The following STK33 variants were observed in gnomAD, a reference collection of about 807,000 sequenced individuals.
STK33 encodes serine/threonine kinase 33.
In STK33, 52 loss-of-function variants were observed where a neutral mutation model predicts 58.0. The ratio of observed to expected loss-of-function variants is 0.90; its 90% CI spans 0.72 to 1.13. The LOEUF is 1.13. STK33 is among the 50% of genes most tolerant of loss of function. STK33 has a pLI of 0.00. For missense variants in STK33, 630 were observed against 604.2 expected (o/e 1.04, Z -0.45); for synonymous variants, 215 against 200.1 (o/e 1.07, Z -0.63).
intron 1 of STK33, among the ~76,000 whole-genome samples, chr11:8,552,439 A>G (rs985777019): frequency 6.6e-6 from 1 of 152,050 alleles, no homozygotes; most frequent in South Asian, 2.1e-4. Context: ...TACTTTATAA[A>G]CTTTTTACAT....
intron 1 of STK33, among the ~76,000 whole-genome samples, chr11:8,536,455 C>CAAGGAACTTCACAATGG (rs1955009160): frequency 6.6e-6 from 1 of 152,086 alleles, no homozygotes; most frequent in South Asian, 2.1e-4. Context: ...GAAGATTGGT[C>CAAGGAACTTCACAATGG]AAGGAACTTC....
downstream of STK33, among the ~76,000 whole-genome samples, chr11:8,389,883 G>A (rs530585933): frequency 2.6e-5 from 4 of 152,176 alleles, no homozygotes; most frequent in African/African-American, 7.2e-5. Context: ...CTGGGTCTTC[G>A]TTTCCTCATC....
intron 12 of STK33, 100 bp downstream of exon 12, chr11:8,440,578 C>A: frequency 9.2e-7 from 1 of 1,081,286 alleles, no homozygotes; most frequent in Non-Finnish European, 1.3e-6. Context: ...TTTTAAATCA[C>A]TTTTTAAAAA....
the STK33 span, among the ~76,000 whole-genome samples, chr11:8,342,990 A>C: frequency 6.6e-6 from 1 of 152,244 alleles, no homozygotes; most frequent in African/African-American, 2.4e-5. Context: ...GCTCATCCCC[A>C]GGCAGGCATT....
intron 1 of STK33, among the ~76,000 whole-genome samples, chr11:8,531,196 T>C (rs1954516251): frequency 6.6e-6 from 1 of 151,988 alleles, no homozygotes; most frequent in African/African-American, 2.4e-5. Context: ...ATAAAATAAA[T>C]ACCCCCCAAC....
At chr11:8,478,830 C>T (rs189590650) in intron 2 of STK33, among the ~76,000 whole-genome samples, 1 of 151,590 alleles carries the variant, frequency 6.6e-6, no homozygotes, top group East Asian at 1.9e-4. Context: ...GTTTACAAAG[C>T]CTAAAGAAGG....
At chr11:8,387,714 C>G (rs899113129), downstream of STK33, among the ~76,000 whole-genome samples, 2 of 152,146 alleles carry the variant, frequency 1.3e-5, no homozygotes, top group African/African-American at 4.8e-5. Context: ...GTGTTTGGAC[C>G]AGGAAATATC....
chr11:8,354,973 T>C, the STK33 span, among the ~76,000 whole-genome samples: 1 of 152,234 alleles, frequency 6.6e-6, no homozygotes, highest in Non-Finnish European at 1.5e-5. Flanking sequence ...TCTGATCTCT[T>C]CTTGCAGAAA....
In STK33 at chr11:8,461,869, T is replaced by C; in HGVS notation, c.494A>G (p.Asn165Ser). The change falls in exon 8 of 16, where the codon AAC becomes AGC. Residue 165 changes from asparagine (N) to serine (S), a missense_variant. By Grantham distance (46) the Asn-to-Ser change is conservative. Coordinates refer to ENST00000687296, the MANE Select transcript of STK33 (RefSeq NM_001352389.2). ...SAVKLLEREV[N>S]ILKSVKHEHI... is the part of the protein sequence containing the mutation. ...TTCATGTTTTACACTTTTCAGAATG[T>C]TCACCTCTCGTTCAAGTAACTTCAC... The C allele has an allele frequency of 6.2e-7, 1 of 1,601,568 alleles. No individual in the cohort carries two copies. The highest frequency in any genetic ancestry group is 1.1e-5 in the South Asian group (1 of 88,928).
intron 14 of STK33, among the ~76,000 whole-genome samples, chr11:8,426,033 C>T (rs953233279): frequency 6.6e-6 from 1 of 152,132 alleles, no homozygotes; most frequent in East Asian, 1.9e-4. Flanking sequence ...TTAGTCAGCT[C>T]AATTAGACCC....
At chr11:8,512,783 A>T (rs1475149908) in intron 1 of STK33, among the ~76,000 whole-genome samples, 5 of 152,064 alleles carry the variant, frequency 3.3e-5, no homozygotes, top group African/African-American at 9.7e-5. Context: ...TTTGCTAGGG[A>T]AGTGACAAAC....
chr11:8,554,755 G>A (rs1267785259), intron 1 of STK33, among the ~76,000 whole-genome samples: 3 of 152,000 alleles, frequency 2.0e-5, no homozygotes, highest in African/African-American at 7.2e-5. Context: ...TCACTGCTGC[G>A]TACATACCCA....
intron 1 of STK33, among the ~76,000 whole-genome samples, chr11:8,509,539 G>A (rs942341932): frequency 1.3e-5 from 2 of 152,004 alleles, no homozygotes; most frequent in Non-Finnish European, 2.9e-5. Context: ...TAGTTTTGGG[G>A]GTACAGGTGG....
chr11:8,593,678 G>T (rs1376405420), intron 1 of STK33: 1 of 152,148 alleles, frequency 6.6e-6, no homozygotes, highest in East Asian at 1.9e-4. Context: ...TAGGTACCAG[G>T]CTCTAGCAGT....
chr11:8,411,026 G>A (rs1185445108), intron 15 of STK33, among the ~76,000 whole-genome samples: 1 of 152,192 alleles, frequency 6.6e-6, no homozygotes, highest in Non-Finnish European at 1.5e-5. Context: ...GCATCATTAA[G>A]GACCTAATGT....
At position 8,455,810 on chromosome 11, in the gene STK33, CAAAAAAAAAAA is replaced by C. The variant is rs1156835375; in HGVS notation, c.698-989_698-979del. 2.3e-4 allele frequency among the ~76,000 whole-genome samples: 11 copies of C among 47,138 alleles called. 1 individual carries two copies. The South Asian group carries it at 6.3e-3, about 27-fold the overall frequency. The allele number at this position is 47,138 out of a possible 152,430, so 30.9% of individuals were successfully genotyped here. On this transcript the variant is annotated intron_variant, in intron 9 of 15. Transcript: ENST00000687296. ...TGGGTAACAGAGAGAGACTCTGTCT[CAAAAAAAAAAA>C]AAAAAAAAAAAAAAAGTTACACACA...
At chr11:8,590,025 C>A (rs920260683) in intron 1 of STK33, among the ~76,000 whole-genome samples, 5 of 152,168 alleles carry the variant, frequency 3.3e-5, no homozygotes, top group African/African-American at 1.2e-4. Flanking sequence ...AGTCTAAGAA[C>A]CTGAGCCTCA....
chr11:8,515,416 C>T (rs1024451276), intron 1 of STK33, among the ~76,000 whole-genome samples: 1 of 152,128 alleles, frequency 6.6e-6, no homozygotes, highest in Non-Finnish European at 1.5e-5. Flanking sequence ...AATCATTAAT[C>T]AAAAACCTCC....
chr11:8,385,797 T>C, the STK33 span, among the ~76,000 whole-genome samples: 2 of 151,652 alleles, frequency 1.3e-5, no homozygotes, highest in East Asian at 1.9e-4. Context: ...TTTTTTGAGA[T>C]GGAGTCTCGC....
Sources: allele counts gnomAD v4.1 joint callset (sites outside exome capture counted in the v4.1 genomes callset), GRCh38; gene constraint gnomAD v4.1.1; transcripts MANE v1.5; gene names NCBI Gene and HGNC (gene_info 2026-07-23, HGNC 2026-07-21).